Variants in CUX1 observed in about 807,000 individuals in gnomAD.
The protein encoded by CUX1 is cut like homeobox 1.
A neutral mutation model predicts 158.8 loss-of-function variants in CUX1; 31 were observed. The ratio of observed to expected loss-of-function variants is 0.20; its 90% CI spans 0.15 to 0.26. The LOEUF is 0.26. Ranked by LOEUF, CUX1 falls within the 10% of genes least tolerant of loss-of-function variation. The pLI is 1.00. For synonymous variants in CUX1, 879 were observed against 862.1 expected, an observed-to-expected ratio of 1.02 and a Z score of -0.34; for missense variants, 1,589 against 2,014.6, an observed-to-expected ratio of 0.79 and a Z score of 4.04.
At chr7:101,848,236 T>C (rs896991688) in intron 1 of CUX1, among the ~76,000 whole-genome samples, 2 of 152,070 alleles carry the variant, frequency 1.3e-5, no homozygotes, top group Admixed American at 6.6e-5. Flanking sequence ...TTCCCAGAGA[T>C]TGATTTTTTT....
intron 9 of CUX1, among the ~76,000 whole-genome samples, chr7:102,166,629 C>T (rs1432481724): frequency 6.6e-6 from 1 of 152,228 alleles, no homozygotes; most frequent in Non-Finnish European, 1.5e-5. Context: ...ATGGGCTACG[C>T]TTACTTCTCA....
chr7:102,197,991 C>T (rs1359710387), intron 15 of CUX1, among the ~76,000 whole-genome samples: 4 of 152,208 alleles, frequency 2.6e-5, no homozygotes, highest in African/African-American at 9.6e-5. Context: ...CAGTAGCTCA[C>T]GCCTATAATT....
intron 1 of CUX1, among the ~76,000 whole-genome samples, chr7:101,911,527 C>G (rs207468346): frequency 6.7e-6 from 1 of 149,270 alleles, no homozygotes; most frequent in Non-Finnish European, 1.5e-5. Flanking sequence ...CTGCTGTGGA[C>G]GACCTGAGCC....
chr7:102,228,574 C>A (rs1429310179), intron 21 of CUX1, among the ~76,000 whole-genome samples: 1 of 152,166 alleles, frequency 6.6e-6, no homozygotes, highest in South Asian at 2.1e-4. Context: ...GCAGGAGGAT[C>A]GCTTGAGTCC....
chr7:101,924,356 G>A (rs1805327053), intron 2 of CUX1, among the ~76,000 whole-genome samples: 1 of 152,024 alleles, frequency 6.6e-6, no homozygotes, highest in Non-Finnish European at 1.5e-5. Context: ...CCTGGAAAAA[G>A]AGAGTCACTT....
chr7:101,818,490 C>T (rs1301072698), intron 1 of CUX1, among the ~76,000 whole-genome samples: 1 of 152,200 alleles, frequency 6.6e-6, no homozygotes, highest in Non-Finnish European at 1.5e-5. Context: ...TCTAAACCTT[C>T]CTGTCCCCCA....
At chr7:102,035,680 G>C (rs1385740569) in intron 3 of CUX1, among the ~76,000 whole-genome samples, 1 of 132,918 alleles carries the variant, frequency 7.5e-6, no homozygotes, top group Non-Finnish European at 1.6e-5. Flanking sequence ...ACTATAGCTA[G>C]AAATGAATGT....
At chr7:101,962,142 T>C (rs1445614730) in intron 2 of CUX1, among the ~76,000 whole-genome samples, 1 of 152,150 alleles carries the variant, frequency 6.6e-6, no homozygotes, top group Non-Finnish European at 1.5e-5. Flanking sequence ...AAACTAACAG[T>C]AACAGCAGAA....
intron 5 of CUX1, among the ~76,000 whole-genome samples, chr7:102,098,521 G>T (rs1320050957): frequency 6.6e-6 from 1 of 152,120 alleles, no homozygotes; most frequent in Admixed American, 6.6e-5. Flanking sequence ...TGAGGCGGGA[G>T]GATCGCTTGA....
At chr7:102,062,833 G>C (rs1167708010) in intron 3 of CUX1, among the ~76,000 whole-genome samples, 1 of 152,026 alleles carries the variant, frequency 6.6e-6, no homozygotes, top group East Asian at 2.0e-4. Flanking sequence ...AGCCGGGTGC[G>C]GTGGCTCATG....
At chr7:101,823,809 CAGTG>C (rs757963383) in intron 1 of CUX1, among the ~76,000 whole-genome samples, 2 of 152,136 alleles carry the variant, frequency 1.3e-5, no homozygotes, top group Non-Finnish European at 2.9e-5. Flanking sequence ...TATTGCGAAA[CAGTG>C]AGAAATAGAA....
At chr7:102,117,681 C>T (rs986240532) in intron 8 of CUX1, among the ~76,000 whole-genome samples, 18 of 152,068 alleles carry the variant, frequency 1.2e-4, no homozygotes, top group Admixed American at 8.5e-4. Flanking sequence ...ATCAGGGGAG[C>T]GCAGGGAAAG....
intron 3 of CUX1, among the ~76,000 whole-genome samples, chr7:102,060,580 CAT>C (rs1041452973): frequency 2.7e-4 from 32 of 119,186 alleles, no homozygotes; most frequent in Non-Finnish European, 3.3e-4. Context: ...CACATATATA[CAT>C]ATATATATAT....
chr7:101,851,961 T>A (rs1364665223), intron 1 of CUX1, among the ~76,000 whole-genome samples: 1 of 151,922 alleles, frequency 6.6e-6, no homozygotes, highest in Non-Finnish European at 1.5e-5. Context: ...CCCCAGTAGC[T>A]AGGACTACAG....
At chr7:101,911,817 G>A (rs1298824261) in intron 1 of CUX1, among the ~76,000 whole-genome samples, 1 of 152,248 alleles carries the variant, frequency 6.6e-6, no homozygotes, top group Non-Finnish European at 1.5e-5. Flanking sequence ...GGTGGACCGG[G>A]CCACACGGCT....
chr7:101,839,597 G>C (rs1406709437), intron 1 of CUX1, among the ~76,000 whole-genome samples: 2 of 152,062 alleles, frequency 1.3e-5, no homozygotes, highest in African/African-American at 4.8e-5. Flanking sequence ...CGATCTTTGC[G>C]ATAAGCCTCA....
chr7:102,112,106 GA>G lies in CUX1; in HGVS notation c.607+347del, dbSNP rs570615259. 5.2e-3 allele frequency: 618 copies of G among 119,156 alleles called. 2 individuals carry two copies. The highest frequency in any genetic ancestry group is 0.013 in the African/African-American group (406 of 30,824). 7.4% of individuals were successfully genotyped at this position (119,156 alleles called of 1,614,324 possible). A position where few individuals can be genotyped will look rare whatever the true frequency, so the allele number is the denominator to read the frequency against. On this transcript the variant is annotated intron_variant, in intron 7 of 23. Transcript: ENST00000292535. Reference sequence around the variant, plus strand: ...TGACATTTCATTTGGAACAATAATAGAAAAAAAAAAAAAAACTCACTTCTAC... The same window carrying G: ...TGACATTTCATTTGGAACAATAATAGAAAAAAAAAAAAAACTCACTTCTAC...
At position 102,122,606 on chromosome 7, in the gene CUX1, G is replaced by A. The variant is rs1161052272; in HGVS notation, c.674+7333G>A. On this transcript the variant is annotated intron_variant, in intron 8 of 23. Coordinates refer to ENST00000292535, the MANE Select transcript of CUX1 (RefSeq NM_181552.4). ...GACCTGGTGTCTCCCCAGGTTGGGG[G>A]CTAGACAAAAACAAGGGGGTGGCTT... 2.0e-5 allele frequency among the ~76,000 whole-genome samples: 3 copies of A among 152,266 alleles called. No homozygotes were observed. The East Asian group carries it at 5.8e-4, about 29-fold the overall frequency.
intron 2 of CUX1, among the ~76,000 whole-genome samples, chr7:101,997,839 C>G (rs1443227215): frequency 6.6e-6 from 1 of 151,644 alleles, no homozygotes; most frequent in Non-Finnish European, 1.5e-5. Flanking sequence ...TCAATGTTAT[C>G]TCAGAGAGCT....
Sources: gnomAD v4.1 joint callset for allele counts (sites outside exome capture counted in the v4.1 genomes callset) on GRCh38, gnomAD v4.1.1 for gene constraint, MANE v1.5 for transcripts, NCBI Gene and HGNC (gene_info 2026-07-23, HGNC 2026-07-21) for gene names.